The following CASQ1 variants were observed in gnomAD, a reference collection of about 807,000 sequenced individuals.
CASQ1 encodes the protein calsequestrin 1.
Under a neutral mutation model 49.5 loss-of-function variants are expected in CASQ1, and 40 were observed. The ratio of observed to expected loss-of-function variants is 0.81; its 90% CI spans 0.63 to 1.05. The LOEUF is 1.05. CASQ1 is among the 50% of genes least tolerant of loss of function. The probability of loss-of-function intolerance (pLI) is 0.00; values close to 1 mark genes in which losing one functional copy is unlikely to be tolerated. For synonymous variants in CASQ1, 174 were observed against 187.2 expected (o/e 0.93, Z 0.58); for missense variants, 469 against 486.9 (o/e 0.96, Z 0.35).
intron 7 of CASQ1, among the ~76,000 whole-genome samples, 200 bp downstream of exon 7, chr1:160,197,814 C>T (rs879243111): frequency 2.0e-5 from 3 of 151,546 alleles, no homozygotes; most frequent in Non-Finnish European, 4.4e-5. Context: ...GTCAGGAGAT[C>T]GAGACCATCC....
chr1:160,192,982 G>T lies in CASQ1; in HGVS notation c.364+96G>T, dbSNP rs181405560. The T allele has an allele frequency of 3.5e-4, 326 of 930,370 alleles. 3 individuals are homozygous for T. The Admixed American group carries it at 5.7e-3, about 16-fold the overall frequency. The allele number at this position is 930,370 out of a possible 1,614,324, so 57.6% of individuals were successfully genotyped here. A position where few individuals can be genotyped will look rare whatever the true frequency, so the allele number is the denominator to read the frequency against. ...TCAGGCAGTCCTTGGGATCCGAGGG[G>T]CTTGGGAATCTCTCAGATTTATGTC... On this transcript the variant is annotated intron_variant, in intron 2 of 10. Transcript: ENST00000368078.
At chr1:160,197,498 T>G in intron 6 of CASQ1, 71 bp from the exon 7 acceptor site, 1 of 1,122,438 alleles carries the variant, frequency 8.9e-7, no homozygotes. Flanking sequence ...AGGCAGCCTT[T>G]GCTACAGGAC....
At chr1:160,195,581 T>G in intron 5 of CASQ1, 47 bp downstream of exon 5, 3 of 1,562,424 alleles carry the variant, frequency 1.9e-6, no homozygotes, top group Non-Finnish European at 2.6e-6. Context: ...GTCCTGAAGC[T>G]GTCCTCCAGT....
At chr1:160,197,107 C>T (rs1296634041) in intron 6 of CASQ1, among the ~76,000 whole-genome samples, 4 of 152,168 alleles carry the variant, frequency 2.6e-5, no homozygotes, top group East Asian at 1.9e-4. Flanking sequence ...CTCTGTCCCC[C>T]AGGCTAGCGT....
In CASQ1 at chr1:160,191,421, C is replaced by T. The variant is rs542170042; in HGVS notation, c.279+391C>T. Among the ~76,000 whole-genome samples, 8 of 152,280 alleles carry T rather than the reference C, an allele frequency of 5.3e-5. No individual in the cohort carries two copies. The South Asian group carries it at 6.2e-4, about 12-fold the overall frequency. On this transcript the variant is annotated intron_variant, in intron 1 of 10. Transcript: ENST00000368078. ...CCCACCCATCTGCTTAGCCAGAACA[C>T]GTCCTCTCCACATACTTCAGGGGCT...
At chr1:160,195,407 T>C (rs1654193604) in intron 4 of CASQ1, 54 bp from the exon 5 acceptor site, 1 of 1,528,128 alleles carries the variant, frequency 6.5e-7, no homozygotes, top group Non-Finnish European at 9.1e-7. Context: ...TGGGGGATGA[T>C]TCCCGGGCAG....
chr1:160,192,192 A>G (rs1379952845), intron 1 of CASQ1, among the ~76,000 whole-genome samples: 1 of 151,182 alleles, frequency 6.6e-6, no homozygotes, highest in Non-Finnish European at 1.5e-5. Context: ...CGAAAGGGGA[A>G]AGTTGGGCCC....
Position 160,195,879 on chromosome 1 carries a change from C to G in CASQ1, c.652-18C>G, listed in dbSNP as rs1654212115. ...CTGTGTCTCCTGCTCCACTCCCCTC[C>G]TACCCCCTCTCCCAAAGGTGGCAAA... On this transcript the variant is annotated intron_variant, in intron 5 of 10. Transcript: ENST00000368078. 6.2e-7 allele frequency: 1 copy of G among 1,613,060 alleles called. No individual in the cohort carries two copies. The highest frequency in any genetic ancestry group is 1.7e-5 in the Admixed American group (1 of 59,932).
intron 9 of CASQ1, 23 bp from the exon 10 acceptor site, chr1:160,199,828 G>A: frequency 1.3e-6 from 2 of 1,514,256 alleles, no homozygotes; most frequent in Non-Finnish European, 1.8e-6. Context: ...CTATTAAGTT[G>A]CTGTATTTTG....
chr1:160,192,116 G>A (rs1654089313), intron 1 of CASQ1, among the ~76,000 whole-genome samples: 1 of 152,226 alleles, frequency 6.6e-6, no homozygotes, highest in Non-Finnish European at 1.5e-5. Context: ...TAAGCTGGAA[G>A]GCTTATGGGG....
intron 1 of CASQ1, 89 bp from the exon 2 acceptor site, chr1:160,192,713 T>C (rs1317225031): frequency 2.6e-6 from 3 of 1,140,276 alleles, no homozygotes; most frequent in Non-Finnish European, 4.0e-6. Context: ...CTCCCGCACC[T>C]CAACTGACCC....
chr1:160,193,985 C>A (rs1341925066), intron 3 of CASQ1, 138 bp downstream of exon 3: 10 of 624,210 alleles, frequency 1.6e-5, no homozygotes, highest in Non-Finnish European at 2.3e-5. Flanking sequence ...ACCATACATA[C>A]ACCACACGCA....
In CASQ1 at chr1:160,197,621, G is replaced by A; in HGVS notation, c.828+7G>A. 1 of 1,603,812 alleles carries A rather than the reference G, an allele frequency of 6.2e-7. No homozygotes were observed. Among genetic ancestry groups the A allele is most frequent in the Non-Finnish European group, 8.5e-7 (1 of 1,170,580 alleles). ...GAGTATGTATGAGACCTGGGTGAGT[G>A]CCCCTGGCCAGGGTCAAGCCCTCAG... On this transcript the variant is annotated splice_region_variant and intron_variant, in intron 7 of 10. Transcript: ENST00000368078.
chr1:160,195,062 G>GT lies in CASQ1; in HGVS notation c.519dup (p.Glu174Ter). The GT allele has an allele frequency of 1.2e-6, 2 of 1,613,376 alleles. No homozygotes were observed. Among genetic ancestry groups the GT allele is most frequent in the South Asian group, 2.2e-5 (2 of 91,034 alleles). On this transcript the variant is annotated frameshift_variant, in exon 4 of 11. Transcript: ENST00000368078. LOFTEE classifies it high-confidence loss of function. ...TTGAAGGTGAACGAGAGCTGCAGGC[G>GT]TTTGAGAATATTGAGGATGAGATCA...
intron 2 of CASQ1, among the ~76,000 whole-genome samples, chr1:160,193,106 G>A (rs1654116280): frequency 1.3e-5 from 2 of 152,170 alleles, no homozygotes; most frequent in Admixed American, 1.3e-4. Flanking sequence ...TCAAATCCCA[G>A]AAAGAGGTGG....
At position 160,190,878 on chromosome 1, in the gene CASQ1, T is replaced by C. The variant is rs1190358351; in HGVS notation, c.127T>C (p.Tyr43His). 6.2e-7 allele frequency: 1 copy of C among 1,614,030 alleles called. No homozygotes were observed. Among genetic ancestry groups the C allele is most frequent in the Non-Finnish European group, 8.5e-7 (1 of 1,180,036 alleles). The change falls in exon 1 of 11, where the codon TAC becomes CAC. Residue 43 changes from tyrosine (Y) to histidine (H), a missense_variant. By Grantham distance (83) the Tyr-to-His change is moderately conservative. Transcript: ENST00000368078. The part of the protein sequence containing the change: ...QGQEGLDFPE[Y>H]DGVDRVINVN... ...GCAGGAAGGGCTGGACTTCCCTGAG[T>C]ACGATGGTGTGGACCGTGTGATCAA... is the stretch of plus-strand genomic sequence containing the variant.
At chr1:160,195,791 T>A in intron 5 of CASQ1, 106 bp from the exon 6 acceptor site, 1 of 1,292,658 alleles carries the variant, frequency 7.7e-7, no homozygotes. Flanking sequence ...GTGACAAGGA[T>A]CCCGGCTTTC....
At chr1:160,193,931 G>A (rs954244488) in intron 3 of CASQ1, 84 bp downstream of exon 3, 5 of 781,002 alleles carry the variant, frequency 6.4e-6, no homozygotes, top group Non-Finnish European at 1.1e-5. Context: ...ACCTGACACT[G>A]CACACACACA....
chr1:160,199,794 C>G, intron 9 of CASQ1, 57 bp from the exon 10 acceptor site: 1 of 1,210,906 alleles, frequency 8.3e-7, no homozygotes, highest in Non-Finnish European at 1.2e-6. Flanking sequence ...ACTCATCCTC[C>G]TGGATTCATG....
Sources: allele counts gnomAD v4.1 joint callset (sites outside exome capture counted in the v4.1 genomes callset), GRCh38; gene constraint gnomAD v4.1.1; transcripts MANE v1.5; gene names NCBI Gene and HGNC (gene_info 2026-07-23, HGNC 2026-07-21).